The following GPLD1 variants were observed in gnomAD, a reference collection of about 807,000 sequenced individuals.
The protein encoded by GPLD1 is phosphatidylinositol-glycan-specific phospholipase D.
A neutral mutation model predicts 112.6 loss-of-function variants in GPLD1; 84 were observed. That is an observed-to-expected ratio of 0.75 (90% CI 0.63 to 0.89). GPLD1 has a LOEUF of 0.89. Among genes scored for constraint, GPLD1 ranks in the 40% least tolerant of loss-of-function variants. The pLI is 0.00. For missense variants in GPLD1, 1,044 were observed against 1,051.5 expected (o/e 0.99, Z 0.10); for synonymous variants, 386 against 403.8 (o/e 0.96, Z 0.53).
At chr6:24,461,798 T>C (rs1370959254) in intron 11 of GPLD1, among the ~76,000 whole-genome samples, 1 of 152,218 alleles carries the variant, frequency 6.6e-6, no homozygotes, top group Non-Finnish European at 1.5e-5. Flanking sequence ...TTCTGTCTTG[T>C]TCACAATGAT....
chr6:24,447,397 T>C (rs1023072334), intron 17 of GPLD1, among the ~76,000 whole-genome samples: 1 of 152,132 alleles, frequency 6.6e-6, no homozygotes, highest in Non-Finnish European at 1.5e-5. Context: ...TCCCCACCTG[T>C]AGTCCCAGCT....
chr6:24,470,973 T>A (rs1292562534), intron 7 of GPLD1, among the ~76,000 whole-genome samples: 1 of 152,128 alleles, frequency 6.6e-6, no homozygotes. Flanking sequence ...TCCAGCAAAG[T>A]TTTTCTTGGA....
At chr6:24,483,979 G>A (rs923867583) in intron 2 of GPLD1, among the ~76,000 whole-genome samples, 34 of 152,198 alleles carry the variant, frequency 2.2e-4, no homozygotes, top group African/African-American at 7.5e-4. Flanking sequence ...GCAGCAGTGC[G>A]ATCTCCGCTC....
At chr6:24,471,913 A>C (rs943026312) in intron 7 of GPLD1, among the ~76,000 whole-genome samples, 2 of 152,204 alleles carry the variant, frequency 1.3e-5, no homozygotes, top group African/African-American at 4.8e-5. Context: ...ATAAGACATC[A>C]GAAGTACACA....
chr6:24,448,195 A>T lies in GPLD1; in HGVS notation c.1460T>A (p.Val487Asp). 6.2e-7 allele frequency: 1 copy of T among 1,606,328 alleles called. No individual in the cohort carries two copies. The highest frequency in any genetic ancestry group is 8.5e-7 in the Non-Finnish European group (1 of 1,176,550). Residue 487 changes from valine to aspartate, a missense_variant, in exon 16 of 25, where the codon GTC becomes GAC. Val to Asp is a radical substitution (Grantham distance 152). Transcript: ENST00000230036. ...TCCTCCTTGTTTGGAACCAAAGTAG[A>T]CATACACGGCACCCTAGATAAGGAC... ...EQLTYKGAVY[V>D]YFGSKQGGMS...
intron 20 of GPLD1, among the ~76,000 whole-genome samples, chr6:24,437,581 C>T (rs1448897985): frequency 6.6e-6 from 1 of 151,340 alleles, no homozygotes; most frequent in Admixed American, 6.6e-5. Context: ...CAAACTAGGT[C>T]ACCCCCATGA....
intron 1 of GPLD1, among the ~76,000 whole-genome samples, chr6:24,494,579 G>A (rs1392899744): frequency 2.0e-5 from 3 of 152,170 alleles, no homozygotes; most frequent in South Asian, 2.1e-4. Context: ...CACAAATTCC[G>A]GGGATGCCGA....
In GPLD1 at chr6:24,479,975, A is replaced by G; in HGVS notation, c.154-16T>C. 1 of 1,546,014 alleles carries G rather than the reference A, an allele frequency of 6.5e-7. No individual in the cohort carries two copies. Among genetic ancestry groups the G allele is most frequent in the Non-Finnish European group, 8.9e-7 (1 of 1,118,028 alleles). ...CTAGTAACAGCTGCAGAGCAAGAAA[A>G]TACAGAGATTAAGGGGCAGGAGTCA... is the stretch of plus-strand genomic sequence containing the variant. On this transcript the variant is annotated splice_polypyrimidine_tract_variant and intron_variant, in intron 2 of 24. Coordinates refer to ENST00000230036, the MANE Select transcript of GPLD1 (RefSeq NM_001503.4).
intron 2 of GPLD1, among the ~76,000 whole-genome samples, chr6:24,480,560 C>T (rs1453708106): frequency 1.3e-5 from 2 of 152,064 alleles, no homozygotes; most frequent in African/African-American, 2.4e-5. Context: ...AACGCACGTA[C>T]GCACGCACAC....
intron 24 of GPLD1, among the ~76,000 whole-genome samples, chr6:24,432,963 A>G (rs184261390): frequency 2.8e-4 from 43 of 152,378 alleles, no homozygotes; most frequent in Non-Finnish European, 2.9e-5. Flanking sequence ...ATTAGGTGGC[A>G]GACGACTTGG....
intron 17 of GPLD1, among the ~76,000 whole-genome samples, chr6:24,447,271 C>T (rs1239135413): frequency 1.3e-5 from 2 of 152,060 alleles, no homozygotes; most frequent in Non-Finnish European, 2.9e-5. Context: ...TTTGGGACGC[C>T]GAGGTGGGTG....
chr6:24,469,876 G>C (rs1326206592), intron 7 of GPLD1, among the ~76,000 whole-genome samples: 2 of 152,088 alleles, frequency 1.3e-5, no homozygotes, highest in Non-Finnish European at 2.9e-5. Flanking sequence ...AGAAACAATT[G>C]AGAGACTCAT....
intron 20 of GPLD1, among the ~76,000 whole-genome samples, chr6:24,439,913 C>A (rs145869527): frequency 6.6e-6 from 1 of 152,138 alleles, no homozygotes; most frequent in Non-Finnish European, 1.5e-5. Flanking sequence ...TTTTAGACCT[C>A]CATATTGCCT....
chr6:24,487,890 G>C (rs532973866), intron 1 of GPLD1, among the ~76,000 whole-genome samples: 62 of 152,280 alleles, frequency 4.1e-4, no homozygotes, highest in Middle Eastern at 3.4e-3. Context: ...AAACTGTCTA[G>C]TATCAGTTTC....
At chr6:24,485,192 C>T (rs544908316) in intron 2 of GPLD1, among the ~76,000 whole-genome samples, 6 of 152,086 alleles carry the variant, frequency 3.9e-5, no homozygotes, top group Non-Finnish European at 8.8e-5. Context: ...CACACAGTAA[C>T]AAGAAGTGGA....
intron 2 of GPLD1, among the ~76,000 whole-genome samples, chr6:24,483,798 C>T (rs929038045): frequency 1.1e-4 from 16 of 151,888 alleles, no homozygotes; most frequent in Middle Eastern, 3.2e-3. Context: ...GGCTGGAGTA[C>T]AGTGGTGTGA....
intron 22 of GPLD1, among the ~76,000 whole-genome samples, chr6:24,434,718 G>GC (rs1762515178): frequency 6.7e-6 from 1 of 150,064 alleles, no homozygotes; most frequent in Non-Finnish European, 1.5e-5. Flanking sequence ...GGCGCCTGTA[G>GC]CCCCAGCTAC....
chr6:24,441,497 C>T (rs1409871930), intron 20 of GPLD1, among the ~76,000 whole-genome samples: 2 of 152,136 alleles, frequency 1.3e-5, no homozygotes, highest in East Asian at 1.9e-4. Flanking sequence ...GTCACAGTTA[C>T]GACACGAGAG....
intron 7 of GPLD1, 94 bp downstream of exon 7, chr6:24,472,488 T>C (rs1253796986): frequency 1.3e-6 from 1 of 745,570 alleles, no homozygotes; most frequent in African/African-American, 1.8e-5. Context: ...GCAGAAGACT[T>C]CTAATTATAT....
Sources: gnomAD v4.1 joint callset for allele counts (sites outside exome capture counted in the v4.1 genomes callset) on GRCh38, gnomAD v4.1.1 for gene constraint, MANE v1.5 for transcripts, NCBI Gene and HGNC (gene_info 2026-07-23, HGNC 2026-07-21) for gene names.